Variants in UBE2V2 observed in about 807,000 individuals in gnomAD.
UBE2V2 encodes ubiquitin-conjugating enzyme E2 variant 2.
A neutral mutation model predicts 17.2 loss-of-function variants in UBE2V2; 9 were observed. The observed-to-expected ratio is 0.52, with a 90% CI of 0.32 to 0.91. The LOEUF is 0.91. UBE2V2 is among the 40% of genes least tolerant of loss of function. The probability of loss-of-function intolerance (pLI) is 0.04; values close to 1 mark genes in which losing one functional copy is unlikely to be tolerated. For missense variants in UBE2V2, 133 were observed against 182.6 expected (o/e 0.73, Z 1.56); for synonymous variants, 61 against 57.5 (o/e 1.06, Z -0.28).
intron 3 of UBE2V2, among the ~76,000 whole-genome samples, chr8:48,053,348 G>A (rs556928747): frequency 4.9e-4 from 74 of 151,788 alleles, no homozygotes; most frequent in African/African-American, 1.8e-3. Context: ...GAGAATGATA[G>A]AACCAGCATC....
upstream of UBE2V2, among the ~76,000 whole-genome samples, chr8:48,006,983 C>T (rs190853005): frequency 7.9e-5 from 12 of 152,100 alleles, no homozygotes; most frequent in African/African-American, 2.9e-4. Flanking sequence ...CGGGTTCACG[C>T]CATTCTCCTG....
At chr8:48,000,387 G>A in the UBE2V2 span, among the ~76,000 whole-genome samples, 30 of 152,304 alleles carry the variant, frequency 2.0e-4, 1 homozygote, top group South Asian at 3.5e-3. Flanking sequence ...CTCTCTTGCC[G>A]AAGCGCCCTG....
chr8:48,009,675 A>G (rs1223565678), intron 1 of UBE2V2, among the ~76,000 whole-genome samples: 2 of 152,238 alleles, frequency 1.3e-5, no homozygotes, highest in Non-Finnish European at 2.9e-5. Flanking sequence ...ATATGTACTG[A>G]AATGGAAGGC....
chr8:48,023,358 C>T (rs955903687), intron 1 of UBE2V2, among the ~76,000 whole-genome samples: 5 of 151,840 alleles, frequency 3.3e-5, no homozygotes, highest in Non-Finnish European at 5.9e-5. Flanking sequence ...TGTGACTACA[C>T]GCACGCACCA....
At chr8:48,011,199 G>A (rs1251249825) in intron 1 of UBE2V2, among the ~76,000 whole-genome samples, 2 of 152,060 alleles carry the variant, frequency 1.3e-5, no homozygotes, top group East Asian at 1.9e-4. Context: ...ACGGAGTCTC[G>A]CCTTGTTGCT....
In UBE2V2 at chr8:48,035,738, G is replaced by T. The variant is rs1306649333; in HGVS notation, c.17-7295G>T. Among the ~76,000 whole-genome samples, 3 of 83,368 alleles carry T rather than the reference G, an allele frequency of 3.6e-5. No individual in the cohort carries two copies. The East Asian group carries it at 1.2e-3, about 34-fold the overall frequency. The allele number at this position is 83,368 out of a possible 152,430, so 54.7% of individuals were successfully genotyped here. On this transcript the variant is annotated intron_variant, in intron 1 of 3. Coordinates refer to ENST00000523111, the MANE Select transcript of UBE2V2 (RefSeq NM_003350.3). Reference sequence around the variant, plus strand: ...CAAGTGATTCTCCTGCCTCAGCCTCGCAGGAGCTGGAATTACAGGTACATG... The same window carrying T: ...CAAGTGATTCTCCTGCCTCAGCCTCTCAGGAGCTGGAATTACAGGTACATG...
intron 1 of UBE2V2, among the ~76,000 whole-genome samples, chr8:48,040,844 G>GTTTTTTTTT (rs71225699): frequency 1.0e-3 from 77 of 74,136 alleles, no homozygotes; most frequent in East Asian, 1.8e-3. Context: ...GCCAGGCTGG[G>GTTTTTTTTT]TTTTTTTTTT....
chr8:48,024,857 A>G (rs2091329357), intron 1 of UBE2V2, among the ~76,000 whole-genome samples: 1 of 152,188 alleles, frequency 6.6e-6, no homozygotes, highest in South Asian at 2.1e-4. Flanking sequence ...AATGCTGGTC[A>G]ATATTCACAT....
chr8:48,031,705 G>GA, intron 1 of UBE2V2, among the ~76,000 whole-genome samples: 1 of 152,120 alleles, frequency 6.6e-6, no homozygotes, highest in East Asian at 1.9e-4. Flanking sequence ...ACCCAGGCTG[G>GA]AGTGCAGTGA....
At chr8:48,046,515 A>G (rs2091500363) in intron 2 of UBE2V2, among the ~76,000 whole-genome samples, 1 of 152,222 alleles carries the variant, frequency 6.6e-6, no homozygotes, top group Non-Finnish European at 1.5e-5. Flanking sequence ...GGCCTTCGCA[A>G]AGTGCTAGGA....
intron 2 of UBE2V2, among the ~76,000 whole-genome samples, chr8:48,048,448 C>G (rs1447916961): frequency 2.6e-5 from 4 of 152,060 alleles, no homozygotes; most frequent in African/African-American, 9.7e-5. Context: ...TTCCATTTCG[C>G]TTGGGTAAAT....
At chr8:48,013,897 G>A (rs936301291) in intron 1 of UBE2V2, among the ~76,000 whole-genome samples, 5 of 152,216 alleles carry the variant, frequency 3.3e-5, no homozygotes, top group Non-Finnish European at 5.9e-5. Context: ...GGGCATGTCA[G>A]TTAATCACTA....
Position 48,028,961 on chromosome 8 carries a change from T to G in UBE2V2, c.17-14072T>G, listed in dbSNP as rs1408152511. On this transcript the variant is annotated intron_variant, in intron 1 of 3. Transcript: ENST00000523111. Reference sequence around the variant, plus strand: ...TCCTTTGGAACCCAAAAGTTTAAAATTTTGATGAAGACCAATTAATTTTTT... The same window carrying G: ...TCCTTTGGAACCCAAAAGTTTAAAAGTTTGATGAAGACCAATTAATTTTTT... Among the ~76,000 whole-genome samples, 4 of 152,310 alleles carry G rather than the reference T, an allele frequency of 2.6e-5. No homozygotes were observed. The South Asian group carries it at 8.3e-4, about 32-fold the overall frequency.
intron 1 of UBE2V2, chr8:48,041,819 A>G (rs2091466106): frequency 6.6e-6 from 1 of 150,434 alleles, no homozygotes; most frequent in Non-Finnish European, 1.5e-5. Flanking sequence ...TTTAAATGGA[A>G]TTTCTCTCTT....
At chr8:48,020,331 G>C (rs1392013837) in intron 1 of UBE2V2, among the ~76,000 whole-genome samples, 3 of 152,044 alleles carry the variant, frequency 2.0e-5, no homozygotes, top group African/African-American at 7.2e-5. Flanking sequence ...GTTCTCTCTT[G>C]ATTTCCATTT....
chr8:48,013,769 C>G (rs2091249106), intron 1 of UBE2V2, among the ~76,000 whole-genome samples: 1 of 151,974 alleles, frequency 6.6e-6, no homozygotes, highest in South Asian at 2.1e-4. Context: ...AAAACAAAAC[C>G]AAAATATAAC....
chr8:48,037,128 G>A (rs781015691), intron 1 of UBE2V2, among the ~76,000 whole-genome samples: 2 of 152,234 alleles, frequency 1.3e-5, no homozygotes, highest in Non-Finnish European at 2.9e-5. Context: ...GCAGTGAGCC[G>A]AGATCGTGCC....
At chr8:47,998,775 G>A in the UBE2V2 span, among the ~76,000 whole-genome samples, 1 of 151,132 alleles carries the variant, frequency 6.6e-6, no homozygotes, top group African/African-American at 2.4e-5. Context: ...AGAATGTAAG[G>A]TCAGCCAAGA....
intron 3 of UBE2V2, among the ~76,000 whole-genome samples, chr8:48,051,104 C>T (rs1055172854): frequency 6.6e-6 from 1 of 152,204 alleles, no homozygotes; most frequent in Non-Finnish European, 1.5e-5. Context: ...ACCTTGGCCT[C>T]CCAAAGTGCT....
Sources: allele counts gnomAD v4.1 joint callset (sites outside exome capture counted in the v4.1 genomes callset), GRCh38; gene constraint gnomAD v4.1.1; transcripts MANE v1.5; gene names NCBI Gene and HGNC (gene_info 2026-07-23, HGNC 2026-07-21).